The following GLYATL3 variants were observed in gnomAD, a reference collection of about 807,000 sequenced individuals.
GLYATL3 encodes the protein glycine N-acyltransferase-like protein 3.
GLYATL3 carries 31 observed loss-of-function variants against 28.5 expected under a neutral mutation model. The ratio of observed to expected loss-of-function variants is 1.09; its 90% CI spans 0.82 to 1.47. The LOEUF (loss-of-function observed/expected upper bound fraction) is 1.47, where lower values mean the gene tolerates loss of function less well. Among genes scored for constraint, GLYATL3 ranks in the 40% most tolerant of loss-of-function variants. GLYATL3 has a pLI of 0.00. For missense variants in GLYATL3, 369 were observed against 351.5 expected, an observed-to-expected ratio of 1.05 and a Z score of -0.40; for synonymous variants, 141 against 140.2, an observed-to-expected ratio of 1.01 and a Z score of -0.04.
intron 1 of GLYATL3, among the ~76,000 whole-genome samples, chr6:49,507,015 T>C (rs1439501359): frequency 6.6e-6 from 1 of 152,120 alleles, no homozygotes; most frequent in East Asian, 1.9e-4. Flanking sequence ...CATCCTCCTC[T>C]GGCAGAGGGG....
At position 49,501,210 on chromosome 6, in the gene GLYATL3, G is replaced by C. The variant is rs1021773347; in HGVS notation, c.-29+1168G>C. 2.6e-5 allele frequency among the ~76,000 whole-genome samples: 4 copies of C among 152,046 alleles called. No homozygotes were observed. The East Asian group carries it at 7.7e-4, about 29-fold the overall frequency. ...AGGTCAGGAGTTTGAGATCAGCCTA[G>C]CCAACATGGTGAAACCCCCCATCTC... is the stretch of plus-strand genomic sequence containing the variant. On this transcript the variant is annotated intron_variant, in intron 1 of 5. Coordinates refer to ENST00000371197, the MANE Select transcript of GLYATL3 (RefSeq NM_001010904.2).
intron 2 of GLYATL3, among the ~76,000 whole-genome samples, 189 bp downstream of exon 2, chr6:49,512,257 T>C (rs894494437): frequency 1.3e-5 from 2 of 149,234 alleles, no homozygotes; most frequent in African/African-American, 4.9e-5. Context: ...CCCAGGGAAT[T>C]ACACTTTTCT....
intron 1 of GLYATL3, among the ~76,000 whole-genome samples, chr6:49,507,837 C>T (rs939400540): frequency 1.3e-5 from 2 of 152,124 alleles, no homozygotes; most frequent in African/African-American, 4.8e-5. Flanking sequence ...GCCACCAATG[C>T]ACTGAATATA....
intron 1 of GLYATL3, among the ~76,000 whole-genome samples, chr6:49,508,496 G>A (rs1769056405): frequency 6.6e-6 from 1 of 152,118 alleles, no homozygotes; most frequent in Non-Finnish European, 1.5e-5. Context: ...CCCTAAAGAG[G>A]CCTAGAAGAG....
chr6:49,526,117 T>A (rs1375086894), intron 5 of GLYATL3, among the ~76,000 whole-genome samples: 6 of 152,130 alleles, frequency 3.9e-5, no homozygotes, highest in Admixed American at 3.9e-4. Context: ...TGAACCAATA[T>A]GAAAAGAGTA....
chr6:49,525,975 C>A (rs776496509), intron 5 of GLYATL3, among the ~76,000 whole-genome samples: 3 of 152,126 alleles, frequency 2.0e-5, no homozygotes, highest in Non-Finnish European at 4.4e-5. Context: ...TTAGAAGCAA[C>A]GACTTAAATT....
At chr6:49,521,870 G>A (rs1769322679) in intron 5 of GLYATL3, 99 bp downstream of exon 5, 34 of 1,063,732 alleles carry the variant, frequency 3.2e-5, no homozygotes, top group Non-Finnish European at 4.4e-5. Flanking sequence ...GAATATCCAG[G>A]CACTCTGGAT....
chr6:49,517,629 A>G, intron 4 of GLYATL3, 73 bp downstream of exon 4: 1 of 1,047,706 alleles, frequency 9.5e-7, no homozygotes, highest in Non-Finnish European at 1.3e-6. Context: ...ATAGTTATAG[A>G]TATTTCATAT....
chr6:49,522,985 C>A (rs1445407098), intron 5 of GLYATL3, among the ~76,000 whole-genome samples: 1 of 151,632 alleles, frequency 6.6e-6, no homozygotes, highest in African/African-American at 2.4e-5. Flanking sequence ...AAAAATGAGT[C>A]TTAAAAAAAA....
chr6:49,521,132 G>A (rs1283827639), intron 4 of GLYATL3, among the ~76,000 whole-genome samples: 1 of 152,092 alleles, frequency 6.6e-6, no homozygotes, highest in Non-Finnish European at 1.5e-5. Context: ...AAATAACTAT[G>A]ACAAGTGGAA....
intron 1 of GLYATL3, among the ~76,000 whole-genome samples, chr6:49,503,857 T>A (rs1768959554): frequency 1.3e-5 from 2 of 152,112 alleles, no homozygotes; most frequent in African/African-American, 4.8e-5. Context: ...ATGAGAGACA[T>A]CCATTTGTGG....
chr6:49,503,541 C>T (rs779440569), intron 1 of GLYATL3, among the ~76,000 whole-genome samples: 3 of 152,196 alleles, frequency 2.0e-5, no homozygotes, highest in Admixed American at 6.5e-5. Flanking sequence ...AAAGTGTTGA[C>T]AATCTCTGTG....
chr6:49,516,444 A>T (rs1002946073), intron 3 of GLYATL3, among the ~76,000 whole-genome samples: 3 of 152,050 alleles, frequency 2.0e-5, no homozygotes, highest in African/African-American at 7.2e-5. Context: ...TCATGTGGGT[A>T]TTTGGAAGAA....
intron 1 of GLYATL3, among the ~76,000 whole-genome samples, chr6:49,511,259 A>G (rs567236618): frequency 6.6e-6 from 1 of 152,220 alleles, no homozygotes; most frequent in Non-Finnish European, 1.5e-5. Context: ...TCTAAAAAAA[A>G]TCTAATTGCA....
At chr6:49,520,618 T>C (rs1769297077) in intron 4 of GLYATL3, among the ~76,000 whole-genome samples, 1 of 152,084 alleles carries the variant, frequency 6.6e-6, no homozygotes, top group Non-Finnish European at 1.5e-5. Flanking sequence ...GGGAAGTCAG[T>C]TTGCAGAGAA....
chr6:49,517,520 G>T lies in GLYATL3; in HGVS notation c.277G>T (p.Asp93Tyr). The change falls in exon 4 of 6, where the codon GAT becomes TAT. Residue 93 changes from aspartate to tyrosine, a missense_variant. By Grantham distance (160) the Asp-to-Tyr change is radical. Transcript: ENST00000371197. ...TTATCGACAGCTATTGGAAGAATGTGATGTTTTTAACTGGGACCAAGTTTT... is the reference window on the plus strand; with the variant it reads ...TTATCGACAGCTATTGGAAGAATGTTATGTTTTTAACTGGGACCAAGTTTT... ...RAYRQLLEEC[D>Y]VFNWDQVFQI... 1.3e-6 allele frequency: 2 copies of T among 1,551,068 alleles called. No homozygotes were observed.
chr6:49,502,635 A>T (rs1768935868), intron 1 of GLYATL3, among the ~76,000 whole-genome samples: 1 of 152,204 alleles, frequency 6.6e-6, no homozygotes, highest in South Asian at 2.1e-4. Flanking sequence ...TTTGATCAAT[A>T]CCTGACTGAG....
chr6:49,511,063 G>T (rs1769113538), intron 1 of GLYATL3, among the ~76,000 whole-genome samples: 1 of 152,100 alleles, frequency 6.6e-6, no homozygotes, highest in South Asian at 2.1e-4. Context: ...AACCCCAGAG[G>T]CACCATGTTC....
rs747686800 is a variant in GLYATL3, at chr6:49,526,891, TTCTC to T, written c.846_849del (p.Phe282LeufsTer33). The T allele has an allele frequency of 8.7e-5, 134 of 1,536,362 alleles. No individual in the cohort carries two copies. The highest frequency in any genetic ancestry group is 1.2e-4 in the Non-Finnish European group (131 of 1,137,504). ...CAGGCTTATTCTCACCCCTGCGACT[TTCTC>T]TGGCCTGCCTCACCTCTAGCCCAGT... On this transcript the variant is annotated frameshift_variant, in exon 6 of 6. Transcript: ENST00000371197. LOFTEE classifies it high-confidence loss of function.
Sources: allele counts gnomAD v4.1 joint callset (sites outside exome capture counted in the v4.1 genomes callset), GRCh38; gene constraint gnomAD v4.1.1; transcripts MANE v1.5; gene names NCBI Gene and HGNC (gene_info 2026-07-23, HGNC 2026-07-21).